The following MSH3 variants were observed in gnomAD, a reference collection of about 807,000 sequenced individuals.
MSH3 encodes mutS homolog 3, also known as DNA mismatch repair protein Msh3.
A neutral mutation model predicts 123.3 loss-of-function variants in MSH3; 106 were observed. The observed-to-expected ratio is 0.86, with a 90% confidence interval of 0.73 to 1.01. MSH3 has a LOEUF of 1.01. Ranked by LOEUF, MSH3 falls within the 50% of genes least tolerant of loss-of-function variation. The probability of loss-of-function intolerance (pLI) is 0.00; values close to 1 mark genes in which losing one functional copy is unlikely to be tolerated. For synonymous variants in MSH3, 515 were observed against 481.4 expected, an observed-to-expected ratio of 1.07 and a Z score of -0.91; for missense variants, 1,459 against 1,347.6, an observed-to-expected ratio of 1.08 and a Z score of -1.29.
chr5:80,779,923 C>T (rs1231294722), intron 17 of MSH3, among the ~76,000 whole-genome samples: 1 of 152,100 alleles, frequency 6.6e-6, no homozygotes, highest in Non-Finnish European at 1.5e-5. Context: ...AATGTCCCCC[C>T]GCCACCGGCT....
chr5:80,837,078 G>C (rs962245900), intron 20 of MSH3, among the ~76,000 whole-genome samples: 1 of 152,140 alleles, frequency 6.6e-6, no homozygotes, highest in Admixed American at 6.5e-5. Flanking sequence ...TGAAAACCAT[G>C]CTAGGAATTT....
chr5:80,677,221 A>T lies in MSH3; in HGVS notation c.1174-1706A>T, dbSNP rs571278763. 2.1e-3 allele frequency among the ~76,000 whole-genome samples: 316 copies of T among 152,252 alleles called. 3 individuals are homozygous for T. The highest frequency in any genetic ancestry group is 3.7e-3 in the Non-Finnish European group (251 of 68,020). On this transcript the variant is annotated intron_variant, in intron 7 of 23. Coordinates refer to ENST00000265081, the MANE Select transcript of MSH3 (RefSeq NM_002439.5). ...AGTACCTGGGAGTCACCTTTTGAGTATTGGTAATTAGTCTGAAATTCAAAG... is the reference window on the plus strand; with the variant it reads ...AGTACCTGGGAGTCACCTTTTGAGTTTTGGTAATTAGTCTGAAATTCAAAG...
At chr5:80,671,671 G>A (rs1359551211) in intron 4 of MSH3, among the ~76,000 whole-genome samples, 1 of 152,160 alleles carries the variant, frequency 6.6e-6, no homozygotes, top group East Asian at 1.9e-4. Context: ...TAGAATTAGA[G>A]TTCCATGGCT....
chr5:80,755,435 C>T (rs1743909264), intron 12 of MSH3, among the ~76,000 whole-genome samples: 1 of 152,072 alleles, frequency 6.6e-6, no homozygotes, highest in African/African-American at 2.4e-5. Flanking sequence ...CTTTTTGGCC[C>T]TTCCTGCTTT....
intron 20 of MSH3, among the ~76,000 whole-genome samples, chr5:80,845,411 G>C (rs1025234049): frequency 3.9e-5 from 6 of 152,076 alleles, no homozygotes; most frequent in African/African-American, 1.4e-4. Context: ...GTATCTTTGT[G>C]GTGTTCTCTG....
At chr5:80,669,266 A>G (rs1415512141) in intron 3 of MSH3, among the ~76,000 whole-genome samples, 1 of 148,288 alleles carries the variant, frequency 6.7e-6, no homozygotes, top group South Asian at 2.1e-4. Flanking sequence ...CTTCTCTCTC[A>G]CTCTCCCCTC....
intron 8 of MSH3, among the ~76,000 whole-genome samples, chr5:80,704,962 T>G (rs1454791096): frequency 6.6e-6 from 1 of 152,164 alleles, no homozygotes; most frequent in Non-Finnish European, 1.5e-5. Flanking sequence ...CAGCCTGTGT[T>G]TGGACTCTAT....
At chr5:80,809,273 GAACCTC>G (rs1487556968) in intron 19 of MSH3, among the ~76,000 whole-genome samples, 1 of 152,040 alleles carries the variant, frequency 6.6e-6, no homozygotes, top group African/African-American at 2.4e-5. Context: ...GCCAGAAATG[GAACCTC>G]AGTCTTCTAA....
chr5:80,689,909 A>G (rs562090873), intron 8 of MSH3, among the ~76,000 whole-genome samples: 81 of 152,020 alleles, frequency 5.3e-4, no homozygotes, highest in African/African-American at 1.8e-3. Flanking sequence ...TTTAAAGAGT[A>G]GGGGTCTCGC....
At chr5:80,870,378 A>G (rs1164660322) in intron 22 of MSH3, among the ~76,000 whole-genome samples, 1 of 152,154 alleles carries the variant, frequency 6.6e-6, no homozygotes, top group Non-Finnish European at 1.5e-5. Flanking sequence ...TAGGACTAAC[A>G]CAGTTGAAGT....
At chr5:80,794,219 A>G (rs1439486919) in intron 19 of MSH3, among the ~76,000 whole-genome samples, 2 of 152,216 alleles carry the variant, frequency 1.3e-5, no homozygotes, top group East Asian at 1.9e-4. Context: ...GAAGGGCTTC[A>G]GCATCTGGCT....
chr5:80,765,100 T>C (rs571528784), intron 13 of MSH3, among the ~76,000 whole-genome samples: 7 of 152,266 alleles, frequency 4.6e-5, no homozygotes, highest in Admixed American at 4.6e-4. Flanking sequence ...TTGAGTTCTT[T>C]TGCTTAAGAA....
At chr5:80,684,756 T>A (rs1750047433) in intron 8 of MSH3, among the ~76,000 whole-genome samples, 1 of 152,146 alleles carries the variant, frequency 6.6e-6, no homozygotes, top group South Asian at 2.1e-4. Context: ...GAGGAAAGGC[T>A]TGCAATATTT....
intron 2 of MSH3, among the ~76,000 whole-genome samples, chr5:80,658,247 C>T (rs1749338655): frequency 7.2e-6 from 1 of 139,694 alleles, no homozygotes; most frequent in Admixed American, 7.1e-5. Context: ...TTAGTAGAGT[C>T]AGAGTTTTGC....
chr5:80,775,624 A>C, intron 15 of MSH3, 70 bp from the exon 16 acceptor site: 1 of 893,856 alleles, frequency 1.1e-6, no homozygotes. Context: ...GTTATACCAC[A>C]ATTTGGGGAA....
intron 20 of MSH3, among the ~76,000 whole-genome samples, chr5:80,815,474 A>C (rs927371421): frequency 1.3e-5 from 2 of 152,204 alleles, no homozygotes; most frequent in South Asian, 2.1e-4. Flanking sequence ...ATGTTTGTAG[A>C]TACAAGTAAA....
intron 3 of MSH3, among the ~76,000 whole-genome samples, chr5:80,668,823 T>A (rs1749629662): frequency 6.6e-6 from 1 of 152,074 alleles, no homozygotes; most frequent in South Asian, 2.1e-4. Flanking sequence ...GATGCCCAGG[T>A]TTGCAGCCAC....
chr5:80,838,374 A>G lies in MSH3; in HGVS notation c.2814-15756A>G, dbSNP rs558549572. Among the ~76,000 whole-genome samples, 6 of 152,290 alleles carry G rather than the reference A, an allele frequency of 3.9e-5. No individual in the cohort carries two copies. In the South Asian group the frequency reaches 1.2e-3, roughly 32 times the overall value. ...ATGACTGACTATCCTTTTGAGCACT[A>G]AACCTCAGTCTCCTCATTTGTACAT... On this transcript the variant is annotated intron_variant, in intron 20 of 23. Transcript: ENST00000265081.
chr5:80,688,758 A>T (rs370124780), intron 8 of MSH3, among the ~76,000 whole-genome samples: 2 of 144,384 alleles, frequency 1.4e-5, no homozygotes, highest in African/African-American at 2.6e-5. Context: ...TTTTTTTTTT[A>T]AAGAATGAGA....
Sources: gnomAD v4.1 joint callset for allele counts (sites outside exome capture counted in the v4.1 genomes callset) on GRCh38, gnomAD v4.1.1 for gene constraint, MANE v1.5 for transcripts, NCBI Gene and HGNC (gene_info 2026-07-23, HGNC 2026-07-21) for gene names.